The following FILIP1 variants were observed in gnomAD, a reference collection of about 807,000 sequenced individuals.
The protein encoded by FILIP1 is filamin-A-interacting protein 1.
FILIP1 carries 61 observed loss-of-function variants against 102.1 expected under a neutral mutation model. The observed-to-expected ratio is 0.60, with a 90% confidence interval of 0.49 to 0.74. FILIP1 has a LOEUF of 0.74. FILIP1 is among the 30% of genes least tolerant of loss of function. The probability of loss-of-function intolerance (pLI) is 0.00; values close to 1 mark genes in which losing one functional copy is unlikely to be tolerated. For synonymous variants in FILIP1, 491 were observed against 526.9 expected, an observed-to-expected ratio of 0.93 and a Z score of 0.93; for missense variants, 1,314 against 1,441.2, an observed-to-expected ratio of 0.91 and a Z score of 1.43.
chr6:75,460,348 A>G (rs1350696850), intron 1 of FILIP1, among the ~76,000 whole-genome samples: 1 of 152,200 alleles, frequency 6.6e-6, no homozygotes, highest in Non-Finnish European at 1.5e-5. Context: ...TGCCATTCTA[A>G]AGGTATTCGG....
chr6:75,367,723 C>T (rs1775385680), intron 2 of FILIP1: 1 of 152,136 alleles, frequency 6.6e-6, no homozygotes, highest in Non-Finnish European at 1.5e-5. Context: ...ATGAAGACGA[C>T]TATGTGATCA....
At chr6:75,454,278 C>A (rs1019551932) in intron 1 of FILIP1, among the ~76,000 whole-genome samples, 3 of 152,170 alleles carry the variant, frequency 2.0e-5, no homozygotes, top group Non-Finnish European at 4.4e-5. Flanking sequence ...GATCCTCACA[C>A]TAGAACCCTA....
chr6:75,430,481 AT>A (rs1777788133), intron 1 of FILIP1, among the ~76,000 whole-genome samples: 2 of 152,148 alleles, frequency 1.3e-5, no homozygotes, highest in South Asian at 4.1e-4. Context: ...ACAGAAAAAA[AT>A]AACAAAATGA....
In FILIP1 at chr6:75,314,227, C is replaced by T. The variant is rs746010292; in HGVS notation, c.1605G>A (p.Val535=). 1.3e-6 allele frequency: 2 copies of T among 1,558,812 alleles called. No individual in the cohort carries two copies. The highest frequency in any genetic ancestry group is 1.7e-6 in the Non-Finnish European group (2 of 1,163,310). ...KVDGLNKNFK[V]EQGKVMDVTE... ...TTACATCCATAACTTTTCCTTGTTC[C>T]ACCTTAAAATTTTTATTGAGTCCAT... The change falls in exon 5 of 6, where the codon GTG becomes GTA. Residue 535 remains valine, a synonymous_variant. Coordinates refer to ENST00000237172, the MANE Select transcript of FILIP1 (RefSeq NM_015687.5).
At chr6:75,312,090 A>AT (rs1389435555) in intron 5 of FILIP1, among the ~76,000 whole-genome samples, 1 of 152,156 alleles carries the variant, frequency 6.6e-6, no homozygotes, top group Non-Finnish European at 1.5e-5. Flanking sequence ...TTAAAATCAA[A>AT]TTTTAAGCCT....
At position 75,312,666 on chromosome 6, in the gene FILIP1, T is replaced by C. The variant is rs1203651088; in HGVS notation, c.3166A>G (p.Asn1056Asp). ...TCCTCTGTGGTTATGATATTGGCAT[T>C]GGAGTTGTATTTCCGTACTGGAGTT... Reference protein sequence around the residue: ...VPTPVRKYNSNANIITTEDNK... With the variant: ...VPTPVRKYNSDANIITTEDNK... The change falls in exon 5 of 6, where the codon AAT (asparagine) becomes GAT (aspartate). Residue 1056 changes from asparagine (N) to aspartate (D), a missense_variant. By Grantham distance (23) the Asn-to-Asp change is conservative. Coordinates refer to ENST00000237172, the MANE Select transcript of FILIP1 (RefSeq NM_015687.5). 1.2e-6 allele frequency: 2 copies of C among 1,614,208 alleles called. No homozygotes were observed. Among genetic ancestry groups the C allele is most frequent in the Admixed American group, 3.3e-5 (2 of 60,024 alleles).
intron 1 of FILIP1, among the ~76,000 whole-genome samples, chr6:75,459,362 T>C (rs1778944913): frequency 1.3e-5 from 2 of 152,208 alleles, no homozygotes; most frequent in Admixed American, 6.6e-5. Context: ...GATTGGACTA[T>C]AGAGGAGTAA....
intron 2 of FILIP1, among the ~76,000 whole-genome samples, chr6:75,411,430 C>A (rs577972371): frequency 3.3e-5 from 5 of 152,324 alleles, no homozygotes; most frequent in African/African-American, 1.2e-4. Flanking sequence ...AATTAGATCC[C>A]ATTTGTCAAT....
chr6:75,485,382 G>T (rs1779754454), intron 1 of FILIP1, among the ~76,000 whole-genome samples: 1 of 152,020 alleles, frequency 6.6e-6, no homozygotes, highest in South Asian at 2.1e-4. Flanking sequence ...GGGGAGTTGG[G>T]GTGTGCTAGT....
intron 6 of FILIP1, among the ~76,000 whole-genome samples, chr6:75,296,292 T>C (rs1772666415): frequency 6.6e-6 from 1 of 151,362 alleles, no homozygotes. Flanking sequence ...ACTCTAATCT[T>C]CCAGCCAAAT....
intron 6 of FILIP1, among the ~76,000 whole-genome samples, chr6:75,299,784 G>A (rs1772784911): frequency 6.6e-6 from 1 of 152,132 alleles, no homozygotes; most frequent in Non-Finnish European, 1.5e-5. Flanking sequence ...TCCTGGAAAG[G>A]AAGTTCAACA....
chr6:75,491,868 T>C (rs1156865579), intron 1 of FILIP1, among the ~76,000 whole-genome samples: 3 of 152,198 alleles, frequency 2.0e-5, no homozygotes, highest in African/African-American at 7.2e-5. Flanking sequence ...TGCACTTAGT[T>C]ATCGCCACAC....
intron 4 of FILIP1, among the ~76,000 whole-genome samples, chr6:75,325,957 T>A (rs1023224170): frequency 6.6e-6 from 1 of 152,172 alleles, no homozygotes; most frequent in African/African-American, 2.4e-5. Flanking sequence ...CACTTGCACA[T>A]GCATATTTTA....
intron 2 of FILIP1, among the ~76,000 whole-genome samples, chr6:75,406,311 G>A (rs1329846449): frequency 6.6e-6 from 1 of 152,076 alleles, no homozygotes; most frequent in Non-Finnish European, 1.5e-5. Flanking sequence ...AATGAACATG[G>A]CCCAGACTTT....
intron 4 of FILIP1, among the ~76,000 whole-genome samples, chr6:75,339,145 G>C (rs189539528): frequency 6.6e-6 from 1 of 152,326 alleles, no homozygotes; most frequent in African/African-American, 2.4e-5. Flanking sequence ...GTTGTTCACT[G>C]TCTAAATGTT....
chr6:75,472,650 T>C (rs1206426784), intron 1 of FILIP1, among the ~76,000 whole-genome samples: 1 of 152,148 alleles, frequency 6.6e-6, no homozygotes, highest in Non-Finnish European at 1.5e-5. Flanking sequence ...TTGTCTAAAG[T>C]AGAACAGAGA....
intron 1 of FILIP1, among the ~76,000 whole-genome samples, chr6:75,470,954 A>T (rs1174312643): frequency 6.6e-6 from 1 of 152,054 alleles, no homozygotes; most frequent in East Asian, 1.9e-4. Context: ...TGAGCCCAGG[A>T]GTTCAAGACC....
intron 1 of FILIP1, among the ~76,000 whole-genome samples, chr6:75,444,494 T>C (rs894649128): frequency 3.3e-5 from 5 of 152,212 alleles, no homozygotes; most frequent in African/African-American, 1.2e-4. Flanking sequence ...TGTAATTATA[T>C]TGATGTTCAT....
rs142866256 is a variant in FILIP1, at chr6:75,340,108, C to T, written c.629+13431G>A. On this transcript the variant is annotated intron_variant, in intron 4 of 5. Transcript: ENST00000237172. ...TCCCAAAGGATGCTTCTAGTTACCACATATTTTACTTCTTATAAAATTTTA... is the reference window on the plus strand; with the variant it reads ...TCCCAAAGGATGCTTCTAGTTACCATATATTTTACTTCTTATAAAATTTTA... Among the ~76,000 whole-genome samples, 3 of 152,178 alleles carry T rather than the reference C, an allele frequency of 2.0e-5. No individual in the cohort carries two copies. The East Asian group carries it at 5.8e-4, about 29-fold the overall frequency.
Sources: allele counts gnomAD v4.1 joint callset (sites outside exome capture counted in the v4.1 genomes callset), GRCh38; gene constraint gnomAD v4.1.1; transcripts MANE v1.5; gene names NCBI Gene and HGNC (gene_info 2026-07-23, HGNC 2026-07-21).